The following FTO variants were observed in gnomAD, a reference collection of about 807,000 sequenced individuals.
The protein encoded by FTO is alpha-ketoglutarate-dependent dioxygenase FTO.
A neutral mutation model predicts 63.9 loss-of-function variants in FTO; 47 were observed. The ratio of observed to expected loss-of-function variants is 0.74; its 90% CI spans 0.58 to 0.94. FTO has a LOEUF of 0.94. Ranked by LOEUF, FTO falls within the 40% of genes least tolerant of loss-of-function variation. FTO has a pLI of 0.00. For synonymous variants in FTO, 207 were observed against 224.4 expected (o/e 0.92, Z 0.69); for missense variants, 562 against 618.1 (o/e 0.91, Z 0.96).
rs373705985 is a variant in FTO at position 53,879,999 on chromosome 16, CTT to C, written c.1119+24_1119+25del. The C allele has an allele frequency of 1.5e-3, 1,862 of 1,235,458 alleles. No homozygotes were observed. The highest frequency in any genetic ancestry group is 1.7e-3 in the Non-Finnish European group (1,485 of 875,728). 76.5% of individuals were successfully genotyped at this position (1,235,458 alleles called of 1,614,324 possible). ...AAATTCATAATGAGGTAAGGACTTT[CTT>C]TTTTTTTTTTTGAGATGGAGTCTCG... On this transcript the variant is annotated intron_variant, in intron 6 of 8. Coordinates refer to ENST00000471389, the MANE Select transcript of FTO (RefSeq NM_001080432.3).
chr16:53,989,433 G>C (rs945504428), intron 8 of FTO, among the ~76,000 whole-genome samples: 2 of 152,206 alleles, frequency 1.3e-5, no homozygotes, highest in Admixed American at 6.5e-5. Flanking sequence ...CTGGAGGCAG[G>C]TACTGGGGTC....
Position 53,898,340 on chromosome 16 carries a change from C to T in FTO, c.1239+9389C>T, listed in dbSNP as rs111429086. 2.8e-4 allele frequency among the ~76,000 whole-genome samples: 43 copies of T among 152,266 alleles called. 1 individual carries two copies. Among genetic ancestry groups the T allele is most frequent in the African/African-American group, 9.9e-4 (41 of 41,552 alleles). On this transcript the variant is annotated intron_variant, in intron 7 of 8. Coordinates refer to ENST00000471389, the MANE Select transcript of FTO (RefSeq NM_001080432.3). ...CTTCTGTAATTTACATGACTCTCTC[C>T]CTCATTTCATTCAGATCTCTGCTCA...
chr16:53,998,528 T>C (rs1303827115), intron 8 of FTO: 2 of 152,212 alleles, frequency 1.3e-5, no homozygotes, highest in Non-Finnish European at 2.9e-5. Flanking sequence ...CAACTTAAAT[T>C]GACTTACGTA....
chr16:53,867,775 C>T (rs756400592), intron 4 of FTO, among the ~76,000 whole-genome samples: 12 of 152,020 alleles, frequency 7.9e-5, no homozygotes, highest in Non-Finnish European at 1.0e-4. Flanking sequence ...CTGTATCTGT[C>T]GTTTTCTGAT....
chr16:53,942,750 G>A (rs12933996), intron 8 of FTO, among the ~76,000 whole-genome samples: 85,361 of 152,016 alleles, frequency 0.56, 24,581 homozygotes, highest in Middle Eastern at 0.69. Flanking sequence ...AGGATGGGCT[G>A]TGGGATAATG....
At chr16:53,984,845 G>C in intron 8 of FTO, 3 of 432,150 alleles carry the variant, frequency 6.9e-6, no homozygotes, top group Non-Finnish European at 1.4e-5. Context: ...GATTCTTTTG[G>C]TGTCTTTTGG....
At chr16:53,909,856 G>T (rs1056174651) in intron 7 of FTO, among the ~76,000 whole-genome samples, 10 of 151,964 alleles carry the variant, frequency 6.6e-5, no homozygotes, top group African/African-American at 2.4e-4. Flanking sequence ...GAGCCACCAC[G>T]CCCAGCTGAG....
chr16:54,086,543 GCAGTGAGGA>G (rs1233387116), intron 8 of FTO, among the ~76,000 whole-genome samples: 1 of 152,208 alleles, frequency 6.6e-6, no homozygotes, highest in African/African-American at 2.4e-5. Context: ...AAAACTAATT[GCAGTGAGGA>G]CAGGACAAAT....
chr16:53,761,471 C>T (rs1384906473), intron 1 of FTO, among the ~76,000 whole-genome samples: 2 of 152,128 alleles, frequency 1.3e-5, no homozygotes, highest in Non-Finnish European at 2.9e-5. Context: ...GTTTTGAATC[C>T]ACCATGTTAG....
At chr16:54,104,422 C>A (rs1478953547) in intron 8 of FTO, among the ~76,000 whole-genome samples, 5 of 151,526 alleles carry the variant, frequency 3.3e-5, no homozygotes, top group Admixed American at 3.3e-4. Context: ...AAGTGATTCT[C>A]CTGCCTCAGC....
At chr16:54,066,841 A>G (rs1391423415) in intron 8 of FTO, among the ~76,000 whole-genome samples, 1 of 152,246 alleles carries the variant, frequency 6.6e-6, no homozygotes, top group Non-Finnish European at 1.5e-5. Flanking sequence ...ACTGCACTGT[A>G]GAGGCCTCCC....
intron 8 of FTO, among the ~76,000 whole-genome samples, chr16:54,017,302 G>T (rs1431844847): frequency 6.6e-6 from 1 of 152,152 alleles, no homozygotes; most frequent in African/African-American, 2.4e-5. Context: ...AAGAAATTGG[G>T]CAGTCATTAA....
chr16:53,997,160 G>C (rs1190193371), intron 8 of FTO, among the ~76,000 whole-genome samples: 1 of 141,378 alleles, frequency 7.1e-6, no homozygotes, highest in Non-Finnish European at 1.5e-5. Context: ...GAGAGAGAGA[G>C]AGAAAAGAGA....
At chr16:53,815,678 C>CA (rs2078661511) in intron 2 of FTO, among the ~76,000 whole-genome samples, 1 of 127,626 alleles carries the variant, frequency 7.8e-6, no homozygotes, top group Non-Finnish European at 1.5e-5. Context: ...AGACAGAGTC[C>CA]CGCTCTGTCA....
At chr16:53,902,501 C>T (rs755773500) in intron 7 of FTO, among the ~76,000 whole-genome samples, 1 of 152,148 alleles carries the variant, frequency 6.6e-6, no homozygotes, top group African/African-American at 2.4e-5. Flanking sequence ...GTGCCAATAG[C>T]AAAATAAGAT....
intron 8 of FTO, among the ~76,000 whole-genome samples, chr16:53,962,691 T>C (rs1473735571): frequency 6.6e-6 from 1 of 152,204 alleles, no homozygotes; most frequent in African/African-American, 2.4e-5. Context: ...GGATTTAGAT[T>C]GCAAGTTGAA....
At chr16:53,917,738 G>A (rs1411640633) in intron 7 of FTO, among the ~76,000 whole-genome samples, 25 of 150,882 alleles carry the variant, frequency 1.7e-4, no homozygotes, top group Non-Finnish European at 2.8e-4. Flanking sequence ...GTGTGTGTGT[G>A]TGTGTCCATC....
chr16:53,729,697 C>G (rs7200857), intron 1 of FTO, among the ~76,000 whole-genome samples: 8,755 of 151,546 alleles, frequency 0.058, 824 homozygotes, highest in African/African-American at 0.2. Context: ...ATACCTTATA[C>G]TCCTACTGTT....
chr16:53,895,392 A>G (rs1452731020), intron 7 of FTO, among the ~76,000 whole-genome samples: 2 of 152,204 alleles, frequency 1.3e-5, no homozygotes, highest in African/African-American at 4.8e-5. Flanking sequence ...TCGAAAGCAC[A>G]AAGGACTGTG....
Sources: allele counts gnomAD v4.1 joint callset (sites outside exome capture counted in the v4.1 genomes callset), GRCh38; gene constraint gnomAD v4.1.1; transcripts MANE v1.5; gene names NCBI Gene and HGNC (gene_info 2026-07-23, HGNC 2026-07-21).